Variants in BARX2 observed in about 807,000 individuals in gnomAD.
The protein encoded by BARX2 is BARX homeobox 2.
BARX2 carries 11 observed loss-of-function variants against 25.5 expected under a neutral mutation model. The observed-to-expected ratio is 0.43, with a 90% CI of 0.27 to 0.71. BARX2 has a LOEUF of 0.71. BARX2 is among the 30% of genes least tolerant of loss of function. The pLI, the probability that BARX2 is intolerant of heterozygous loss-of-function variation, is 0.19. For missense variants in BARX2, 360 were observed against 359.9 expected (o/e 1.00, Z 0.00); for synonymous variants, 137 against 149.5 (o/e 0.92, Z 0.61).
intron 1 of BARX2, among the ~76,000 whole-genome samples, chr11:129,381,836 C>A: frequency 6.6e-6 from 1 of 152,162 alleles, no homozygotes; most frequent in East Asian, 1.9e-4. Context: ...GAGTGGGTTT[C>A]TTTGAAATTC....
At position 129,388,097 on chromosome 11, in the gene BARX2, G is replaced by C. The variant is rs1481149244; in HGVS notation, c.187+11875G>C. 2.0e-5 allele frequency among the ~76,000 whole-genome samples: 3 copies of C among 151,510 alleles called. No homozygotes were observed. In the South Asian group the frequency reaches 6.3e-4, roughly 32 times the overall value. On this transcript the variant is annotated intron_variant, in intron 1 of 3. Transcript: ENST00000281437. ...TCATTACATATAGGCAACATACTGT[G>C]TGTGTGTGTGTGTGTGTGTGTAGAT...
At chr11:129,417,812 C>T (rs1861961438) in intron 1 of BARX2, among the ~76,000 whole-genome samples, 1 of 152,108 alleles carries the variant, frequency 6.6e-6, no homozygotes, top group Non-Finnish European at 1.5e-5. Context: ...ATAATAGTGC[C>T]TATACAATAA....
chr11:129,406,424 C>T (rs545396384), intron 1 of BARX2, among the ~76,000 whole-genome samples: 3 of 152,318 alleles, frequency 2.0e-5, no homozygotes, highest in South Asian at 2.1e-4. Flanking sequence ...CTCATATTCC[C>T]GGGCTGTATT....
intron 1 of BARX2, among the ~76,000 whole-genome samples, chr11:129,402,093 A>G (rs1324965542): frequency 6.6e-6 from 1 of 152,066 alleles, no homozygotes; most frequent in East Asian, 1.9e-4. Flanking sequence ...GAACAAATAT[A>G]AATCATCGTA....
rs1006508691 is a variant in BARX2 at position 129,375,991 on chromosome 11, A to G, written c.-45A>G. The G allele has an allele frequency of 7.3e-6, 9 of 1,228,266 alleles. No homozygotes were observed. Among genetic ancestry groups the G allele is most frequent in the African/African-American group, 1.6e-5 (1 of 62,614 alleles). 76.1% of individuals were successfully genotyped at this position (1,228,266 alleles called of 1,614,324 possible). ...GCCCCGCGGCCCCAGCGGGCCGGGC[A>G]CTCGCAGCCGCGCTCGGGCCGGCGG... On this transcript the variant is annotated 5_prime_UTR_variant, in exon 1 of 4. Coordinates refer to ENST00000281437, the MANE Select transcript of BARX2 (RefSeq NM_003658.5). The surrounding 1 kb of genome is among the most constrained non-coding windows in gnomAD (Gnocchi z 4.0).
intron 1 of BARX2, among the ~76,000 whole-genome samples, chr11:129,425,640 G>T (rs963770369): frequency 9.2e-5 from 14 of 152,206 alleles, no homozygotes; most frequent in Admixed American, 6.5e-5. Flanking sequence ...CTCCAGCATT[G>T]CTGAGTGGTT....
rs898025784 is a variant in BARX2 at position 129,434,444 on chromosome 11, A to C, written c.188-2307A>C. Among the ~76,000 whole-genome samples the C allele has an allele frequency of 2.7e-3, 349 of 129,856 alleles. 1 individual carries two copies. The highest frequency in any genetic ancestry group is 3.5e-3 in the Non-Finnish European group (213 of 61,242). The allele number at this position is 129,856 out of a possible 152,430, so 85.2% of individuals were successfully genotyped here. A position where few individuals can be genotyped will look rare whatever the true frequency, so the allele number is the denominator to read the frequency against. On this transcript the variant is annotated intron_variant, in intron 1 of 3. Transcript: ENST00000281437. ...AGTAAAAAAAAAAAAAAAAAAAAAA[A>C]AACAGAGACACGGTCTCACTCTGTT...
intron 2 of BARX2, among the ~76,000 whole-genome samples, chr11:129,440,673 ACT>A (rs1862245379): frequency 6.6e-6 from 1 of 152,100 alleles, no homozygotes; most frequent in Admixed American, 6.5e-5. Flanking sequence ...CTGAAGGAAG[ACT>A]CTGTGTATTA....
chr11:129,417,245 CT>C (rs2135401427), intron 1 of BARX2, among the ~76,000 whole-genome samples: 1 of 152,310 alleles, frequency 6.6e-6, no homozygotes, highest in Admixed American at 6.5e-5. Flanking sequence ...GCACTCCTGT[CT>C]TCTGCCAGTG....
intron 1 of BARX2, among the ~76,000 whole-genome samples, chr11:129,433,513 C>T (rs912265791): frequency 3.3e-5 from 5 of 152,168 alleles, no homozygotes; most frequent in African/African-American, 7.2e-5. Flanking sequence ...CAGGGCCCTG[C>T]GTAATCGGGC....
chr11:129,404,557 C>T (rs895940745), intron 1 of BARX2, among the ~76,000 whole-genome samples: 1 of 152,232 alleles, frequency 6.6e-6, no homozygotes, highest in Non-Finnish European at 1.5e-5. Context: ...GTTGACCTTT[C>T]CGGGCTTTTC....
chr11:129,430,384 A>G (rs555564431), intron 1 of BARX2, among the ~76,000 whole-genome samples: 174 of 152,326 alleles, frequency 1.1e-3, no homozygotes, highest in African/African-American at 4.1e-3. Flanking sequence ...TCATATATAT[A>G]TATGTACATA....
chr11:129,414,821 A>G (rs1275007034), intron 1 of BARX2, among the ~76,000 whole-genome samples: 1 of 152,242 alleles, frequency 6.6e-6, no homozygotes, highest in Non-Finnish European at 1.5e-5. Flanking sequence ...ATACATTATT[A>G]CTAATGATTT....
intron 1 of BARX2, among the ~76,000 whole-genome samples, chr11:129,392,456 G>T (rs1471833697): frequency 6.6e-6 from 1 of 152,186 alleles, no homozygotes; most frequent in Non-Finnish European, 1.5e-5. Context: ...AAAAGTATGT[G>T]TGGTACAGGT....
intron 1 of BARX2, among the ~76,000 whole-genome samples, chr11:129,414,065 C>CAAAAAAAA (rs879620964): frequency 1.5e-5 from 2 of 133,142 alleles, no homozygotes; most frequent in African/African-American, 5.6e-5. Context: ...GACTCCATCT[C>CAAAAAAAA]AAAAAAAAAA....
At chr11:129,429,012 T>TG (rs1862099685) in intron 1 of BARX2, among the ~76,000 whole-genome samples, 3 of 148,534 alleles carry the variant, frequency 2.0e-5, no homozygotes, top group Admixed American at 6.7e-5. Flanking sequence ...GTTGTGTTTT[T>TG]TTTTTTTTTT....
chr11:129,449,176 AC>A (rs1862365537), intron 3 of BARX2, among the ~76,000 whole-genome samples: 1 of 152,206 alleles, frequency 6.6e-6, no homozygotes, highest in African/African-American at 2.4e-5. Context: ...TGAATAGTGC[AC>A]TTTAAATGGA....
rs149890115 is a variant in BARX2 at position 129,417,501 on chromosome 11, G to A, written c.188-19250G>A. Among the ~76,000 whole-genome samples, 884 of 152,348 alleles carry A rather than the reference G, an allele frequency of 5.8e-3. 16 individuals are homozygous for A. The highest frequency in any genetic ancestry group is 5.3e-3 in the Non-Finnish European group (364 of 68,038). On this transcript the variant is annotated intron_variant, in intron 1 of 3. Coordinates refer to ENST00000281437, the MANE Select transcript of BARX2 (RefSeq NM_003658.5). ...AGCTGGGGCCCAACGAAAGGAACGCGTGCCTGCAGGGCAAACTGCATTTTA... is the reference window on the plus strand; with the variant it reads ...AGCTGGGGCCCAACGAAAGGAACGCATGCCTGCAGGGCAAACTGCATTTTA...
At chr11:129,385,505 T>A (rs1278046394) in intron 1 of BARX2, among the ~76,000 whole-genome samples, 1 of 152,192 alleles carries the variant, frequency 6.6e-6, no homozygotes, top group Admixed American at 6.5e-5. Flanking sequence ...TATGGATACA[T>A]TTTAGGAATA....
Sources: gnomAD v4.1 joint callset for allele counts (sites outside exome capture counted in the v4.1 genomes callset) on GRCh38, gnomAD v4.1.1 for gene constraint, Gnocchi (gnomAD v3.1) non-coding constraint, MANE v1.5 for transcripts, NCBI Gene and HGNC (gene_info 2026-07-23, HGNC 2026-07-21) for gene names.